Variants in BRD4 observed in about 807,000 individuals in gnomAD.
The protein encoded by BRD4 is bromodomain-containing protein 4.
A neutral mutation model predicts 142.1 loss-of-function variants in BRD4; 16 were observed. The ratio of observed to expected loss-of-function variants is 0.11; its 90% confidence interval spans 0.08 to 0.17. The LOEUF (loss-of-function observed/expected upper bound fraction) is 0.17, where lower values mean the gene tolerates loss of function less well. Among genes scored for constraint, BRD4 ranks in the 10% least tolerant of loss-of-function variants. The pLI is 1.00. For synonymous variants in BRD4, 833 were observed against 707.5 expected (o/e 1.18, Z -2.82); for missense variants, 1,424 against 1,810.9 (o/e 0.79, Z 3.88).
intron 1 of BRD4, among the ~76,000 whole-genome samples, chr19:15,323,858 C>A (rs1442066790): frequency 6.6e-6 from 1 of 152,172 alleles, no homozygotes; most frequent in Admixed American, 6.5e-5. Flanking sequence ...GAAAGCAAAG[C>A]CAGCACTCCT....
chr19:15,255,221 G>A (rs2047394739), intron 10 of BRD4, 76 bp downstream of exon 10: 1 of 1,386,066 alleles, frequency 7.2e-7, no homozygotes, highest in East Asian at 2.3e-5. Context: ...CAGAAAGAGT[G>A]GACTGAGCAA....
rs201664432 is a variant in BRD4, at chr19:15,238,290, G to C, written c.*87C>G. ...CCAGGCCCTGAGGCATCCCCTGGCCGCTGATCCCACCTCCACCACCGCCCC... is the reference window on the plus strand; with the variant it reads ...CCAGGCCCTGAGGCATCCCCTGGCCCCTGATCCCACCTCCACCACCGCCCC... On this transcript the variant is annotated 3_prime_UTR_variant, in exon 20 of 20. Transcript: ENST00000679869. The surrounding 1 kb of genome is among the most constrained non-coding windows in gnomAD (Gnocchi z 7.2). The C allele has an allele frequency of 3.7e-5, 58 of 1,583,510 alleles. No individual in the cohort carries two copies. The Admixed American group carries it at 1.0e-3, about 27-fold the overall frequency.
chr19:15,311,241 G>A (rs1219251383), intron 1 of BRD4, among the ~76,000 whole-genome samples: 8 of 151,772 alleles, frequency 5.3e-5, no homozygotes, highest in African/African-American at 1.7e-4. Context: ...GCGGTGAGTC[G>A]AGATCGTGCC....
chr19:15,259,048 A>G (rs2047441883), intron 7 of BRD4, among the ~76,000 whole-genome samples: 1 of 152,156 alleles, frequency 6.6e-6, no homozygotes, highest in Admixed American at 6.5e-5. Context: ...TGGAGGCCCC[A>G]GTGAGAGAGT....
chr19:15,301,180 C>A (rs908944523), intron 1 of BRD4, among the ~76,000 whole-genome samples: 23 of 152,240 alleles, frequency 1.5e-4, no homozygotes, highest in African/African-American at 5.5e-4. Context: ...CTGACTCAAC[C>A]TCTACCTCCC....
chr19:15,281,673 T>C (rs1277067941), intron 1 of BRD4, among the ~76,000 whole-genome samples: 3 of 152,174 alleles, frequency 2.0e-5, no homozygotes, highest in Non-Finnish European at 4.4e-5. Flanking sequence ...TGTAAAATGT[T>C]CCTGTGAGAA....
At chr19:15,304,260 G>A (rs757415109) in intron 1 of BRD4, among the ~76,000 whole-genome samples, 8 of 152,160 alleles carry the variant, frequency 5.3e-5, no homozygotes, top group Non-Finnish European at 1.0e-4. Flanking sequence ...GGAACACACA[G>A]TGTGTGCTGG....
chr19:15,324,835 T>C (rs2048093855), intron 1 of BRD4, among the ~76,000 whole-genome samples: 1 of 152,222 alleles, frequency 6.6e-6, no homozygotes, highest in Non-Finnish European at 1.5e-5. Context: ...CCAAAGCTGC[T>C]GCACCTCCAC....
intron 11 of BRD4, chr19:15,253,712 A>G (rs2145563117): frequency 6.3e-7 from 1 of 1,598,384 alleles, no homozygotes; most frequent in South Asian, 1.1e-5. Context: ...ATCTCCCTGA[A>G]GCGGCCGCAC....
chr19:15,328,238 T>C (rs991166071), intron 1 of BRD4, among the ~76,000 whole-genome samples: 1 of 152,172 alleles, frequency 6.6e-6, no homozygotes, highest in East Asian at 1.9e-4. Context: ...TGGCCAATCA[T>C]GCACACATAA....
intron 1 of BRD4, among the ~76,000 whole-genome samples, chr19:15,291,275 T>C (rs2047780390): frequency 6.6e-6 from 1 of 152,110 alleles, no homozygotes; most frequent in South Asian, 2.1e-4. Context: ...TCATTTGAAA[T>C]TTTCCTGGTT....
chr19:15,274,935 T>C (rs2047629872), intron 1 of BRD4, among the ~76,000 whole-genome samples: 1 of 151,918 alleles, frequency 6.6e-6, no homozygotes, highest in Non-Finnish European at 1.5e-5. Flanking sequence ...CTTGGCTCAC[T>C]GCAACCTCTG....
intron 14 of BRD4, among the ~76,000 whole-genome samples, chr19:15,242,191 C>T (rs1033356758): frequency 1.3e-5 from 2 of 149,892 alleles, no homozygotes; most frequent in African/African-American, 4.9e-5. Context: ...GCACCCGGTA[C>T]ACACCCAAGA....
chr19:15,253,502 G>A (rs1338134596), intron 11 of BRD4: 18 of 1,488,284 alleles, frequency 1.2e-5, no homozygotes, highest in Non-Finnish European at 1.6e-5. Context: ...GGGACTGTTA[G>A]TTAGAACTGC....
chr19:15,274,916 T>C (rs530612775), intron 1 of BRD4, among the ~76,000 whole-genome samples: 6 of 151,550 alleles, frequency 4.0e-5, no homozygotes, highest in Non-Finnish European at 7.4e-5. Context: ...GGCAGTGCAG[T>C]GGTGCAATCT....
intron 6 of BRD4, 111 bp from the exon 7 acceptor site, chr19:15,263,659 TCA>T: frequency 7.1e-7 from 1 of 1,403,974 alleles, no homozygotes; most frequent in Non-Finnish European, 9.9e-7. Context: ...TTCTTGGCTC[TCA>T]GTTTGGTCAA....
chr19:15,331,678 G>A (rs949198795), intron 1 of BRD4, among the ~76,000 whole-genome samples: 1 of 152,040 alleles, frequency 6.6e-6, no homozygotes, highest in African/African-American at 2.4e-5. Flanking sequence ...GAAGAGATGG[G>A]GGTGGGGGCG....
intron 1 of BRD4, among the ~76,000 whole-genome samples, chr19:15,308,950 G>C (rs1212388111): frequency 2.7e-5 from 4 of 150,214 alleles, no homozygotes; most frequent in Non-Finnish European, 5.9e-5. Context: ...AGCAGGTGAA[G>C]GTTGCAGTGA....
At chr19:15,271,640 G>A (rs771504063) in intron 2 of BRD4, among the ~76,000 whole-genome samples, 17 of 152,160 alleles carry the variant, frequency 1.1e-4, no homozygotes, top group Non-Finnish European at 2.9e-5. Flanking sequence ...GATTGGTGCA[G>A]TGAGCTCCCC....
Sources: gnomAD v4.1 joint callset for allele counts (sites outside exome capture counted in the v4.1 genomes callset) on GRCh38, gnomAD v4.1.1 for gene constraint, Gnocchi (gnomAD v3.1) non-coding constraint, MANE v1.5 for transcripts, NCBI Gene and HGNC (gene_info 2026-07-23, HGNC 2026-07-21) for gene names.